Variants in SEC63 observed in about 807,000 individuals in gnomAD.
SEC63 encodes translocation protein SEC63 homolog.
SEC63 carries 56 observed loss-of-function variants against 116.2 expected under a neutral mutation model. The observed-to-expected ratio is 0.48, with a 90% CI of 0.39 to 0.60. The LOEUF (loss-of-function observed/expected upper bound fraction) is 0.60, where lower values mean the gene tolerates loss of function less well. Among genes scored for constraint, SEC63 ranks in the 20% least tolerant of loss-of-function variants. The pLI is 0.00. For synonymous variants in SEC63, 273 were observed against 294.6 expected (o/e 0.93, Z 0.75); for missense variants, 668 against 900.0 (o/e 0.74, Z 3.30).
At chr6:107,946,406 G>T (rs1011229973) in intron 1 of SEC63, among the ~76,000 whole-genome samples, 2 of 147,816 alleles carry the variant, frequency 1.4e-5, no homozygotes, top group Non-Finnish European at 3.0e-5. Flanking sequence ...GTTTCACCAT[G>T]TTGGCCAGGC....
chr6:107,872,783 T>C, intron 20 of SEC63, 25 bp downstream of exon 20: 1 of 1,273,862 alleles, frequency 7.9e-7, no homozygotes. Context: ...AAAACTCTTA[T>C]TTATTGAAGA....
At position 107,908,336 on chromosome 6, in the gene SEC63, A is replaced by AT. The variant is rs5878947; in HGVS notation, c.733+590dup. ...TATAATCAAAGAAAGTGAAAATAGT[A>AT]TTTTTTTTCTTAAATTTTTAAATAA... On this transcript the variant is annotated intron_variant, in intron 8 of 20. Coordinates refer to ENST00000369002, the MANE Select transcript of SEC63 (RefSeq NM_007214.5). Among the ~76,000 whole-genome samples the AT allele has an allele frequency of 2.3e-4, 35 of 152,018 alleles. 1 individual carries two copies. The East Asian group carries it at 6.6e-3, about 29-fold the overall frequency.
chr6:107,906,548 C>G lies in SEC63; in HGVS notation c.861G>C (p.Lys287Asn), dbSNP rs1170326937. 6.2e-7 allele frequency: 1 copy of G among 1,613,148 alleles called. No individual in the cohort carries two copies. Among genetic ancestry groups the G allele is most frequent in the Non-Finnish European group, 8.5e-7 (1 of 1,179,308 alleles). ...GGCAGGTAAGTGGAGGCTCATTCTT[C>G]TTTAAATTAATGCTGCCAATTTCTC... ...LIREIGSINL[K>N]KNEPPLTCPY... The change falls in exon 10 of 21, where the codon AAG becomes AAC. Residue 287 changes from lysine (K) to asparagine (N), a missense_variant. Lys to Asn is a moderately conservative substitution (Grantham distance 94). Around this residue, in one of 5 missense-constraint regions of SEC63, gnomAD observed 430 missense variants for 557.5 expected, o/e 0.77. Coordinates refer to ENST00000369002, the MANE Select transcript of SEC63 (RefSeq NM_007214.5).
chr6:107,935,311 C>T (rs1010590468), intron 1 of SEC63, among the ~76,000 whole-genome samples: 11 of 151,460 alleles, frequency 7.3e-5, no homozygotes, highest in African/African-American at 1.7e-4. Flanking sequence ...TCACTGAGAA[C>T]GGGCCGGGAT....
At chr6:107,934,610 C>A (rs1770152075) in intron 1 of SEC63, among the ~76,000 whole-genome samples, 1 of 149,274 alleles carries the variant, frequency 6.7e-6, no homozygotes, top group African/African-American at 2.5e-5. Context: ...GCCACCCCGT[C>A]CGGGAGGGAG....
At position 107,876,670 on chromosome 6, in the gene SEC63, CAAAAA is replaced by C. The variant is rs749125299; in HGVS notation, c.1936-13_1936-9del. The C allele has an allele frequency of 8.8e-4, 665 of 759,298 alleles. No homozygotes were observed. The highest frequency in any genetic ancestry group is 1.9e-3 in the African/African-American group (85 of 45,184). 47.0% of individuals were successfully genotyped at this position (759,298 alleles called of 1,614,324 possible). The stretch of plus-strand genomic sequence containing the variant: ...CCACCATTCTTGTTTTTCCTGGAAA[CAAAAA>C]AAAAAAAAAAAAAAGAAGAGGGGTA... On this transcript the variant is annotated splice_polypyrimidine_tract_variant and intron_variant, in intron 18 of 20. Coordinates refer to ENST00000369002, the MANE Select transcript of SEC63 (RefSeq NM_007214.5).
rs760585672 is a variant in SEC63 at position 107,897,746 on chromosome 6, G to GA, written c.1358-16dup. The GA allele has an allele frequency of 8.0e-5, 123 of 1,533,570 alleles. No homozygotes were observed. The highest frequency in any genetic ancestry group is 2.0e-4 in the East Asian group (9 of 44,354). The allele number at this position is 1,533,570 out of a possible 1,614,324, so 95.0% of individuals were successfully genotyped here. On this transcript the variant is annotated splice_polypyrimidine_tract_variant and intron_variant, in intron 13 of 20. Coordinates refer to ENST00000369002, the MANE Select transcript of SEC63 (RefSeq NM_007214.5). The stretch of plus-strand genomic sequence containing the variant: ...ATCATCTAACACTGTTAAGATGGAA[G>GA]AAAAAAAACAGCAAAAAATAAAAAT...
intron 14 of SEC63, among the ~76,000 whole-genome samples, chr6:107,897,227 A>T (rs543957009): frequency 6.6e-6 from 1 of 152,336 alleles, no homozygotes; most frequent in South Asian, 2.1e-4. Flanking sequence ...TTTTCCAGAC[A>T]ACATAAATGT....
At position 107,910,246 on chromosome 6, in the gene SEC63, G is replaced by A. The variant is rs192560925; in HGVS notation, c.624+1100C>T. Among the ~76,000 whole-genome samples, 201 of 152,162 alleles carry A rather than the reference G, an allele frequency of 1.3e-3. 1 individual carries two copies. The highest frequency in any genetic ancestry group is 2.1e-3 in the Non-Finnish European group (142 of 68,014). Reference sequence around the variant, plus strand: ...TTTGAGAGGCCGAGGCAGGATAATCGTTTGAGCCCAGGAGTTTAAGACCAG... The same window carrying A: ...TTTGAGAGGCCGAGGCAGGATAATCATTTGAGCCCAGGAGTTTAAGACCAG... On this transcript the variant is annotated intron_variant, in intron 7 of 20. Transcript: ENST00000369002.
At chr6:107,919,140 A>G (rs1215595383) in intron 4 of SEC63, among the ~76,000 whole-genome samples, 2 of 151,944 alleles carry the variant, frequency 1.3e-5, no homozygotes, top group African/African-American at 2.4e-5. Flanking sequence ...CAAACTCCTC[A>G]CCTCAGGTGA....
At chr6:107,936,714 G>T (rs1770254123) in intron 1 of SEC63, among the ~76,000 whole-genome samples, 1 of 152,192 alleles carries the variant, frequency 6.6e-6, no homozygotes, top group African/African-American at 2.4e-5. Flanking sequence ...TAGTGCCTTT[G>T]CTAAAACAGT....
chr6:107,945,596 G>A (rs1327406787), intron 1 of SEC63, among the ~76,000 whole-genome samples: 1 of 151,724 alleles, frequency 6.6e-6, no homozygotes, highest in Non-Finnish European at 1.5e-5. Context: ...GAGCCACCGA[G>A]CCCAGCCGAG....
chr6:107,891,237 C>T lies in SEC63; in HGVS notation c.1674+2245G>A, dbSNP rs151136076. On this transcript the variant is annotated intron_variant, in intron 16 of 20. Transcript: ENST00000369002. ...TAGATTTGGTCTTTTCACATAGTCC[C>T]ACACTTCTTGCAGGCTTTGTTCGTT... Among the ~76,000 whole-genome samples, 1,126 of 152,174 alleles carry T rather than the reference C, an allele frequency of 7.4e-3. 7 individuals carry two copies. The highest frequency in any genetic ancestry group is 0.027 in the Middle Eastern group (8 of 294).
intron 1 of SEC63, among the ~76,000 whole-genome samples, chr6:107,946,788 GAGGTCAGGAGTTCA>G (rs1770488876): frequency 6.6e-6 from 1 of 152,106 alleles, no homozygotes; most frequent in South Asian, 2.1e-4. Context: ...CGGATCATCT[GAGGTCAGGAGTTCA>G]AGACCAGCCT....
chr6:107,907,225 T>C (rs1486959656), intron 8 of SEC63, among the ~76,000 whole-genome samples: 1 of 152,188 alleles, frequency 6.6e-6, no homozygotes, highest in Non-Finnish European at 1.5e-5. Flanking sequence ...ATTATAATTT[T>C]CCAAAAAAAT....
chr6:107,912,904 G>T, intron 5 of SEC63, 130 bp from the exon 6 acceptor site: 1 of 746,270 alleles, frequency 1.3e-6, no homozygotes, highest in Non-Finnish European at 2.3e-6. Flanking sequence ...CTTTGAGAAA[G>T]ATTATCTTAT....
intron 15 of SEC63, 72 bp from the exon 16 acceptor site, chr6:107,893,727 G>A (rs1483823622): frequency 1.3e-6 from 2 of 1,593,904 alleles, no homozygotes; most frequent in African/African-American, 1.3e-5. Context: ...TAATTTTTAG[G>A]TGGAAATAGC....
intron 4 of SEC63, among the ~76,000 whole-genome samples, chr6:107,921,272 T>C (rs539800734): frequency 2.0e-5 from 3 of 152,086 alleles, no homozygotes; most frequent in Non-Finnish European, 4.4e-5. Flanking sequence ...ATAGCTCAAT[T>C]AACTTATCAT....
At chr6:107,896,804 C>A (rs1476300008) in intron 14 of SEC63, among the ~76,000 whole-genome samples, 1 of 152,028 alleles carries the variant, frequency 6.6e-6, no homozygotes, top group Non-Finnish European at 1.5e-5. Flanking sequence ...CATGGTGAAA[C>A]CCCATCTCTA....
Sources: gnomAD v4.1 joint callset for allele counts (sites outside exome capture counted in the v4.1 genomes callset) on GRCh38, gnomAD v4.1.1 for gene constraint, gnomAD v4.1.1 regional missense constraint, MANE v1.5 for transcripts, NCBI Gene and HGNC (gene_info 2026-07-23, HGNC 2026-07-21) for gene names.